Variants in SWI5 observed in about 807,000 individuals in gnomAD.
SWI5 encodes the protein SWI5 homologous recombination repair protein, also known as DNA repair protein SWI5 homolog.
Under a neutral mutation model 17.0 loss-of-function variants are expected in SWI5, and 12 were observed. The observed-to-expected ratio is 0.71, with a 90% CI of 0.45 to 1.14. The LOEUF (loss-of-function observed/expected upper bound fraction) is 1.14. SWI5 is among the 50% of genes most tolerant of loss of function. The pLI, the probability that SWI5 is intolerant of heterozygous loss-of-function variation, is 0.00. For synonymous variants in SWI5, 61 were observed against 64.0 expected, an observed-to-expected ratio of 0.95 and a Z score of 0.22; for missense variants, 158 against 162.2, an observed-to-expected ratio of 0.97 and a Z score of 0.14.
chr9:128,279,024 C>G (rs1329205817), intron 2 of SWI5, among the ~76,000 whole-genome samples: 2 of 152,176 alleles, frequency 1.3e-5, no homozygotes, highest in Non-Finnish European at 2.9e-5. Context: ...CCCGCCTCAG[C>G]CTCCCAAAGT....
intron 2 of SWI5, among the ~76,000 whole-genome samples, chr9:128,284,288 CA>C (rs78361264): frequency 0.32 from 25,693 of 79,348 alleles, 2,708 homozygotes; most frequent in African/African-American, 0.48. Context: ...GACTCCGTCT[CA>C]AAAAAAAAAA....
Position 128,284,373 on chromosome 9 carries a change from G to A in SWI5, c.112-137G>A, listed in dbSNP as rs1337495953. On this transcript the variant is annotated intron_variant, in intron 2 of 4. Coordinates refer to ENST00000418976, the Ensembl canonical transcript of SWI5. The stretch of plus-strand genomic sequence containing the variant: ...AGGGCCACATCTAATTCCAAGGAAG[G>A]CTTGGAAATGCAGTCTTATTGAGGG... 4 of 956,426 alleles carry A rather than the reference G, an allele frequency of 4.2e-6. No individual in the cohort carries two copies. The African/African-American group carries it at 5.0e-5, about 12-fold the overall frequency. The allele number at this position is 956,426 out of a possible 1,614,324, so 59.2% of individuals were successfully genotyped here.
At chr9:128,277,852 C>G (rs916292810) in intron 2 of SWI5, among the ~76,000 whole-genome samples, 6 of 152,038 alleles carry the variant, frequency 3.9e-5, no homozygotes, top group African/African-American at 1.4e-4. Context: ...GCTGATTGAG[C>G]TTCTCTCTGC....
intron 4 of SWI5, among the ~76,000 whole-genome samples, chr9:128,287,557 C>T (rs1432360336): frequency 3.0e-4 from 37 of 123,022 alleles, no homozygotes; most frequent in African/African-American, 1.2e-3. Context: ...TGGCCTATCC[C>T]TTTTTTTTTT....
intron 4 of SWI5, 67 bp from the exon 5 acceptor site, chr9:128,288,585 G>A (rs878911096): frequency 5.1e-6 from 8 of 1,560,554 alleles, no homozygotes; most frequent in African/African-American, 2.7e-5. Context: ...ACACTGGCTC[G>A]GGGCATTGGC....
intron 2 of SWI5, chr9:128,278,731 G>A (rs1381876682): frequency 2.2e-6 from 1 of 452,716 alleles, no homozygotes; most frequent in Non-Finnish European, 4.5e-6. Flanking sequence ...ACGTGGCAGA[G>A]CTGGGGGCTT....
intron 2 of SWI5, among the ~76,000 whole-genome samples, chr9:128,280,610 AGG>A (rs1314645416): frequency 6.6e-6 from 1 of 151,502 alleles, no homozygotes; most frequent in Admixed American, 6.6e-5. Flanking sequence ...CGCTGCCTCC[AGG>A]GTTCAAGCGA....
chr9:128,275,725 C>T (rs966563303), upstream of SWI5, among the ~76,000 whole-genome samples: 9 of 151,480 alleles, frequency 5.9e-5, no homozygotes, highest in Admixed American at 2.6e-4. Flanking sequence ...GGGGGCTGGG[C>T]GGCTGAGGGG....
At chr9:128,284,956 T>TA (rs570065202) in intron 3 of SWI5, among the ~76,000 whole-genome samples, 14,512 of 84,656 alleles carry the variant, frequency 0.17, 1,416 homozygotes, top group African/African-American at 0.28. Context: ...AATCTGTCTT[T>TA]AAAAAAAAAA....
In SWI5 at chr9:128,286,047, A is replaced by G. The variant is rs1183409321; in HGVS notation, c.328+14A>G. On this transcript the variant is annotated intron_variant, in intron 4 of 4. Transcript: ENST00000418976. The stretch of plus-strand genomic sequence containing the variant: ...TGGGCAAACTAGGTGAGTAGTTGGG[A>G]CTCCAGAGCCACAAGCAGGCATCAT... 6.3e-7 allele frequency: 1 copy of G among 1,591,022 alleles called. No individual in the cohort carries two copies. The highest frequency in any genetic ancestry group is 2.2e-5 in the East Asian group (1 of 44,768).
exon 3 of SWI5, chr9:128,284,537 G>A (rs940063259): frequency 6.2e-7 from 1 of 1,613,744 alleles, no homozygotes; most frequent in African/African-American, 1.3e-5. Context: ...TGGCCAGGCT[G>A]ATGGGACCAG....
Position 128,286,431 on chromosome 9 carries a change from T to C in SWI5, c.328+398T>C, listed in dbSNP as rs143671944. ...TTAAGGAAGTATTTTGTTTCCTCCC[T>C]GAACAAAATCTTGCTATCTAGAGGG... On this transcript the variant is annotated intron_variant, in intron 4 of 4. Transcript: ENST00000418976. 10 of 174,482 alleles carry C rather than the reference T, an allele frequency of 5.7e-5. No homozygotes were observed. The East Asian group carries it at 1.5e-3, about 27-fold the overall frequency. 10.8% of individuals were successfully genotyped at this position (174,482 alleles called of 1,614,324 possible).
intron 2 of SWI5, among the ~76,000 whole-genome samples, chr9:128,277,951 T>C (rs756612535): frequency 4.7e-5 from 5 of 106,368 alleles, no homozygotes; most frequent in Admixed American, 9.5e-5. Context: ...TCCTTCTCTT[T>C]TTTTTTTTTT....
upstream of SWI5, chr9:128,275,526 CG>C: frequency 7.7e-7 from 1 of 1,291,916 alleles, no homozygotes; most frequent in Non-Finnish European, 9.9e-7. Context: ...CGGGGGGCCC[CG>C]GGAGTCACGG....
Position 128,276,705 on chromosome 9 carries a change from A to G in SWI5, c.63-2A>G, listed in dbSNP as rs1831395850. On this transcript the variant is annotated splice_acceptor_variant, in intron 1 of 4. Coordinates refer to ENST00000418976, the Ensembl canonical transcript of SWI5. LOFTEE classifies it high-confidence loss of function. Reference sequence around the variant, plus strand: ...AGACTTTCCCCTCGGATTCCTCTCTAGGACTGAACCAAGACTTACCCGAAG... The same window carrying G: ...AGACTTTCCCCTCGGATTCCTCTCTGGGACTGAACCAAGACTTACCCGAAG... 2.5e-6 allele frequency: 4 copies of G among 1,613,622 alleles called. No individual in the cohort carries two copies. Among genetic ancestry groups the G allele is most frequent in the Admixed American group, 1.7e-5 (1 of 59,972 alleles).
chr9:128,275,850 G>A (rs951150681), upstream of SWI5: 2 of 1,028,058 alleles, frequency 1.9e-6, no homozygotes, highest in Non-Finnish European at 2.9e-6. Flanking sequence ...CATCGGAGTG[G>A]GGCTGGGGCT....
At chr9:128,275,476 T>C, upstream of SWI5, 2 of 1,296,896 alleles carry the variant, frequency 1.5e-6, no homozygotes, top group Non-Finnish European at 2.0e-6. Flanking sequence ...CCCCGGGAGG[T>C]CCGGTTTGGG....
chr9:128,282,124 C>T (rs923848655), intron 2 of SWI5, among the ~76,000 whole-genome samples: 2 of 152,178 alleles, frequency 1.3e-5, no homozygotes, highest in South Asian at 2.1e-4. Flanking sequence ...TGCGGTGGCT[C>T]ACGCCTGTAA....
chr9:128,276,016 A>G (rs760517603), upstream of SWI5: 9 of 1,592,076 alleles, frequency 5.7e-6, no homozygotes, highest in Non-Finnish European at 7.7e-6. Flanking sequence ...TCAGTCAGCC[A>G]CCGCGCAGCT....
Sources: allele counts gnomAD v4.1 joint callset (sites outside exome capture counted in the v4.1 genomes callset), GRCh38; gene constraint gnomAD v4.1.1; transcripts MANE v1.5; gene names NCBI Gene and HGNC (gene_info 2026-07-23, HGNC 2026-07-21).